The following EPB41L4B variants were observed in gnomAD, a reference collection of about 807,000 sequenced individuals.
EPB41L4B encodes erythrocyte membrane protein band 4.1 like 4B.
EPB41L4B carries 30 observed loss-of-function variants against 112.5 expected under a neutral mutation model. That is an observed-to-expected ratio of 0.27 (90% CI 0.20 to 0.36). The LOEUF is 0.36. Ranked by LOEUF, EPB41L4B falls within the 10% of genes least tolerant of loss-of-function variation. The pLI is 1.00. For synonymous variants in EPB41L4B, 408 were observed against 439.7 expected (o/e 0.93, Z 0.90); for missense variants, 1,024 against 1,133.3 (o/e 0.90, Z 1.38).
At chr9:109,217,438 G>C (rs1478000722) in intron 15 of EPB41L4B, among the ~76,000 whole-genome samples, 1 of 151,892 alleles carries the variant, frequency 6.6e-6, no homozygotes, top group East Asian at 1.9e-4. Flanking sequence ...GAGAGGAAGA[G>C]GTAAAAACAA....
rs1034920001 is a variant in EPB41L4B, at chr9:109,264,688, A to G, written c.578+292T>C. On this transcript the variant is annotated intron_variant, in intron 5 of 25. Transcript: ENST00000374566. ...CTAATAACGTATCTTGCTTGCAAAT[A>G]CGACAAAAGCCATTATGAATGGGAC... 6.6e-5 allele frequency among the ~76,000 whole-genome samples: 10 copies of G among 152,366 alleles called. No individual in the cohort carries two copies. The South Asian group carries it at 8.3e-4, about 13-fold the overall frequency.
At chr9:109,248,931 C>T (rs1588170147) in intron 13 of EPB41L4B, among the ~76,000 whole-genome samples, 2 of 151,700 alleles carry the variant, frequency 1.3e-5, no homozygotes, top group Admixed American at 6.6e-5. Flanking sequence ...TGGTGGCGGG[C>T]ACCTGTAGTC....
chr9:109,219,416 A>G (rs889699655), intron 15 of EPB41L4B, among the ~76,000 whole-genome samples: 3 of 152,122 alleles, frequency 2.0e-5, no homozygotes, highest in African/African-American at 4.8e-5. Context: ...GCTAGAGTGC[A>G]GTGGCGCGAT....
intron 15 of EPB41L4B, among the ~76,000 whole-genome samples, chr9:109,238,625 T>C (rs778312371): frequency 9.2e-5 from 14 of 152,010 alleles, no homozygotes; most frequent in Admixed American, 3.3e-4. Flanking sequence ...AAAGAGCCCA[T>C]TTTAATACAA....
At chr9:109,233,849 A>C (rs1306317613) in intron 15 of EPB41L4B, among the ~76,000 whole-genome samples, 2 of 152,148 alleles carry the variant, frequency 1.3e-5, no homozygotes, top group Non-Finnish European at 2.9e-5. Flanking sequence ...CTACTTTTAA[A>C]AAAATGTCTG....
intron 1 of EPB41L4B, among the ~76,000 whole-genome samples, chr9:109,304,989 A>G (rs963070550): frequency 2.6e-5 from 4 of 152,120 alleles, no homozygotes; most frequent in Non-Finnish European, 4.4e-5. Context: ...TCAGCGTACT[A>G]AATGTCACTA....
chr9:109,257,485 G>C (rs1191213956), intron 7 of EPB41L4B, among the ~76,000 whole-genome samples: 1 of 152,166 alleles, frequency 6.6e-6, no homozygotes, highest in African/African-American at 2.4e-5. Context: ...AAATATGTAT[G>C]TTCCTATACA....
intron 15 of EPB41L4B, among the ~76,000 whole-genome samples, chr9:109,236,677 T>C (rs796829932): frequency 1.3e-5 from 2 of 152,354 alleles, no homozygotes; most frequent in African/African-American, 2.4e-5. Context: ...TGGGCCTATT[T>C]GCAGAACTAT....
At chr9:109,201,974 G>A (rs1169691281) in intron 19 of EPB41L4B, among the ~76,000 whole-genome samples, 5 of 152,208 alleles carry the variant, frequency 3.3e-5, no homozygotes, top group Non-Finnish European at 4.4e-5. Flanking sequence ...TTAGAGGACT[G>A]TGGGCAGCAG....
In EPB41L4B at chr9:109,258,200, G is replaced by A. The variant is rs2119036507; in HGVS notation, c.729C>T (p.Ile243=). Residue 243 remains isoleucine (I), a synonymous_variant, in exon 7 of 26, where the codon ATC becomes ATT. Coordinates refer to ENST00000374566, the MANE Select transcript of EPB41L4B (RefSeq NM_019114.5). The part of the protein sequence containing the change: ...PNQTEAMEFD[I]FQRWKECRGK... Reference sequence around the variant, plus strand: ...ACCTGCACTCTTTCCATCTCTGGAAGATATCAAATTCCATTGCTTCTGTCT... The same window carrying A: ...ACCTGCACTCTTTCCATCTCTGGAAAATATCAAATTCCATTGCTTCTGTCT... 6.2e-7 allele frequency: 1 copy of A among 1,613,848 alleles called. No individual in the cohort carries two copies. The highest frequency in any genetic ancestry group is 8.5e-7 in the Non-Finnish European group (1 of 1,179,736).
intron 15 of EPB41L4B, among the ~76,000 whole-genome samples, chr9:109,226,572 A>G (rs1038761934): frequency 1.4e-5 from 2 of 147,452 alleles, no homozygotes; most frequent in Non-Finnish European, 3.0e-5. Context: ...ATTGCCCATG[A>G]CTTATATACA....
intron 8 of EPB41L4B, 42 bp downstream of exon 8, chr9:109,256,351 G>GT (rs1283734058): frequency 1.2e-6 from 2 of 1,602,624 alleles, no homozygotes; most frequent in Non-Finnish European, 8.5e-7. Context: ...ACATTTTTCA[G>GT]TAACAGCAAA....
chr9:109,280,650 T>C (rs1161549769), intron 1 of EPB41L4B, among the ~76,000 whole-genome samples: 1 of 152,164 alleles, frequency 6.6e-6, no homozygotes, highest in Non-Finnish European at 1.5e-5. Flanking sequence ...AGAGTCTGAA[T>C]GAGAAACCAC....
At chr9:109,249,900 C>T (rs555282087) in intron 13 of EPB41L4B, among the ~76,000 whole-genome samples, 14 of 152,152 alleles carry the variant, frequency 9.2e-5, no homozygotes, top group African/African-American at 3.1e-4. Context: ...GGCAGAATGA[C>T]GCTGAAAGTA....
intron 17 of EPB41L4B, among the ~76,000 whole-genome samples, 154 bp downstream of exon 17, chr9:109,213,546 C>T (rs1833254558): frequency 6.6e-6 from 1 of 152,146 alleles, no homozygotes; most frequent in Non-Finnish European, 1.5e-5. Context: ...ATATTTGCTC[C>T]TAAAAGACAG....
At chr9:109,281,630 A>G (rs1836045224) in intron 1 of EPB41L4B, among the ~76,000 whole-genome samples, 1 of 152,184 alleles carries the variant, frequency 6.6e-6, no homozygotes, top group Non-Finnish European at 1.5e-5. Flanking sequence ...AGTTGCAGCG[A>G]GCCGAGATTG....
chr9:109,216,386 A>G (rs1410291591), intron 16 of EPB41L4B, among the ~76,000 whole-genome samples: 1 of 152,240 alleles, frequency 6.6e-6, no homozygotes, highest in African/African-American at 2.4e-5. Flanking sequence ...CACGCCTGTA[A>G]TCCTAGCACT....
At position 109,190,294 on chromosome 9, in the gene EPB41L4B, C is replaced by G. The variant is rs573926437; in HGVS notation, c.2301+1984G>C. On this transcript the variant is annotated intron_variant, in intron 22 of 25. Coordinates refer to ENST00000374566, the MANE Select transcript of EPB41L4B (RefSeq NM_019114.5). ...AATGACTACATGGAAAAAGTATTCA[C>G]CAAGGAGGGGTAATTCACTGCCTGT... Among the ~76,000 whole-genome samples, 3 of 152,260 alleles carry G rather than the reference C, an allele frequency of 2.0e-5. No homozygotes were observed. In the South Asian group the frequency reaches 6.2e-4, roughly 32 times the overall value.
chr9:109,251,435 G>C (rs769668276), intron 13 of EPB41L4B, 46 bp downstream of exon 13: 5 of 1,572,058 alleles, frequency 3.2e-6, no homozygotes, highest in South Asian at 1.1e-5. Flanking sequence ...AAATAAATAC[G>C]ATCCTTAGAG....
Sources: allele counts gnomAD v4.1 joint callset (sites outside exome capture counted in the v4.1 genomes callset), GRCh38; gene constraint gnomAD v4.1.1; transcripts MANE v1.5; gene names NCBI Gene and HGNC (gene_info 2026-07-23, HGNC 2026-07-21).